Variants in DALRD3 observed in about 807,000 individuals in gnomAD.
DALRD3 encodes DALR anticodon binding domain containing 3.
DALRD3 carries 47 observed loss-of-function variants against 56.7 expected under a neutral mutation model. That is an observed-to-expected ratio of 0.83 (90% CI 0.66 to 1.06). The LOEUF (loss-of-function observed/expected upper bound fraction) is 1.06. Ranked by LOEUF, DALRD3 falls within the 50% of genes least tolerant of loss-of-function variation. The pLI, the probability that DALRD3 is intolerant of heterozygous loss-of-function variation, is 0.00. For synonymous variants in DALRD3, 347 were observed against 308.5 expected (o/e 1.12, Z -1.31); for missense variants, 787 against 724.0 (o/e 1.09, Z -1.00).
chr3:49,020,745 A>G (rs1371521777), upstream of DALRD3: 1 of 460,170 alleles, frequency 2.2e-6, no homozygotes, highest in South Asian at 1.6e-5. Context: ...CCCCCAGGTC[A>G]CTCGCCCTGG....
Position 49,018,506 on chromosome 3 carries a change from C to G in DALRD3, c.59G>C (p.Gly20Ala). ...ETLGALNAALGPGGPVWIKET... is the reference protein window; with the variant it reads ...ETLGALNAALAPGGPVWIKET... ...CTTGATCCACACCGGACCGCCTGGC[C>G]CCAGGGCCGCGTTGAGGGCCCCCAG... The change falls in exon 1 of 12, where the codon GGG becomes GCG. Residue 20 changes from glycine to alanine, a missense_variant. By Grantham distance (60) the Gly-to-Ala change is moderately conservative. Transcript: ENST00000341949. 6.3e-7 allele frequency: 1 copy of G among 1,585,076 alleles called. No homozygotes were observed. Among genetic ancestry groups the G allele is most frequent in the South Asian group, 1.1e-5 (1 of 87,490 alleles).
upstream of DALRD3, among the ~76,000 whole-genome samples, chr3:49,019,805 T>A (rs1361851949): frequency 6.6e-6 from 1 of 152,236 alleles, no homozygotes; most frequent in African/African-American, 2.4e-5. Context: ...GTGACTCCTT[T>A]AACCTGGTGT....
chr3:49,018,301 G>A lies in DALRD3; in HGVS notation c.183C>T (p.Leu61=), dbSNP rs2093115640. The A allele has an allele frequency of 1.4e-6, 2 of 1,467,992 alleles. No individual in the cohort carries two copies. Among genetic ancestry groups the A allele is most frequent in the Non-Finnish European group, 1.8e-6 (2 of 1,116,610 alleles). The allele number at this position is 1,467,992 out of a possible 1,614,324, so 90.9% of individuals were successfully genotyped here. A position where few individuals can be genotyped will look rare whatever the true frequency, so the allele number is the denominator to read the frequency against. Residue 61 remains leucine (L), a synonymous_variant, in exon 2 of 12, where the codon CTC becomes CTT. Coordinates refer to ENST00000341949, the MANE Select transcript of DALRD3 (RefSeq NM_001009996.3). ...FDDGQVPEHL[L]HALACLQGPG... Reference sequence around the variant, plus strand: ...GGCCCTGCAGGCAGGCGAGGGCATGGAGCAAATGCTCCGGAACCTGCGGGA... The same window carrying A: ...GGCCCTGCAGGCAGGCGAGGGCATGAAGCAAATGCTCCGGAACCTGCGGGA...
At chr3:49,020,773 C>T (rs1396269743), upstream of DALRD3, 4 of 422,276 alleles carry the variant, frequency 9.5e-6, no homozygotes, top group Non-Finnish European at 1.5e-5. Flanking sequence ...TCAGAACCCG[C>T]CCATCCCCAG....
Position 49,016,356 on chromosome 3 carries a change from A to G in DALRD3, c.1147-16T>C, listed in dbSNP as rs1264472691. On this transcript the variant is annotated splice_polypyrimidine_tract_variant and intron_variant, in intron 8 of 11. Transcript: ENST00000341949. ...CCAGGAAGAGCTGGGGAATAGAAGC[A>G]CAGCTGCAGAGAGAGAAGGCAGCCA... 1.9e-6 allele frequency: 3 copies of G among 1,605,152 alleles called. No homozygotes were observed. In the African/African-American group the frequency reaches 4.0e-5, roughly 21 times the overall value.
chr3:49,017,409 A>G (rs1270850866), intron 4 of DALRD3, 25 bp downstream of exon 4: 1 of 1,614,130 alleles, frequency 6.2e-7, no homozygotes, highest in Admixed American at 1.7e-5. Flanking sequence ...GTTTGGGAGA[A>G]CCTACAGGGC....
chr3:49,015,710 G>A lies in DALRD3; in HGVS notation c.1513-3C>T. 1 of 1,614,132 alleles carries A rather than the reference G, an allele frequency of 6.2e-7. No individual in the cohort carries two copies. The highest frequency in any genetic ancestry group is 1.1e-5 in the South Asian group (1 of 91,080). The stretch of plus-strand genomic sequence containing the variant: ...CCAAAGAGGTGTGGTCGAGGCTCCT[G>A]AAAGAGAAAGGGCCTGCTGGTCTCA... On this transcript the variant is annotated splice_polypyrimidine_tract_variant and splice_region_variant and intron_variant, in intron 11 of 11. Transcript: ENST00000341949.
In DALRD3 at chr3:49,015,936, A is replaced by C. The variant is rs772724633; in HGVS notation, c.1443+37T>G. ...TCTTGTGCCCCAGGCCAGAATAAAG[A>C]ATAGAGTGTAGAGTGTCCTGGTTGT... On this transcript the variant is annotated intron_variant, in intron 10 of 11. Transcript: ENST00000341949. 17 of 1,614,210 alleles carry C rather than the reference A, an allele frequency of 1.1e-5. No homozygotes were observed. The East Asian group carries it at 3.8e-4, about 36-fold the overall frequency.
rs1201305082 is a variant in DALRD3, at chr3:49,016,347, AATAGAAGC to A, written c.1147-15_1147-8del. 1.9e-6 allele frequency: 3 copies of A among 1,606,326 alleles called. No individual in the cohort carries two copies. The highest frequency in any genetic ancestry group is 2.6e-6 in the Non-Finnish European group (3 of 1,174,204). ...CAGCCAGAGCCAGGAAGAGCTGGGG[AATAGAAGC>A]ACAGCTGCAGAGAGAGAAGGCAGCC... On this transcript the variant is annotated splice_polypyrimidine_tract_variant and splice_region_variant and intron_variant, in intron 8 of 11. Coordinates refer to ENST00000341949, the MANE Select transcript of DALRD3 (RefSeq NM_001009996.3).
At chr3:49,018,803 T>G (rs1023408978), upstream of DALRD3, 1 of 985,328 alleles carries the variant, frequency 1.0e-6, no homozygotes, top group African/African-American at 1.7e-5. Context: ...TAGGGTTCTT[T>G]CGCTGTGACC....
At chr3:49,020,823 TCTAGAGGGAACAAGACGCTCAC>T, upstream of DALRD3, 1 of 366,462 alleles carries the variant, frequency 2.7e-6, no homozygotes, top group Admixed American at 3.4e-5. Context: ...TGAAACGGAG[TCTAGAGGGAACAAGACGCTCAC>T]CTGGGCCACA....
chr3:49,018,595 A>G (rs558972875), upstream of DALRD3: 72 of 1,519,888 alleles, frequency 4.7e-5, 1 homozygote, highest in South Asian at 5.9e-4. Context: ...GGAACCGGAA[A>G]AAAATTTAGG....
Position 49,016,603 on chromosome 3 carries a change from C to T in DALRD3, c.1063+9G>A, listed in dbSNP as rs1474599863. 6.3e-7 allele frequency: 1 copy of T among 1,584,196 alleles called. No homozygotes were observed. On this transcript the variant is annotated intron_variant, in intron 7 of 11. Transcript: ENST00000341949. The stretch of plus-strand genomic sequence containing the variant: ...AACCCAGAACATAGCCAGGGTTTCC[C>T]AGGCACACCTTGTGCCAGATCCCCA...
At chr3:49,017,403 G>T (rs1482105224) in intron 4 of DALRD3, 31 bp downstream of exon 4, 3 of 1,614,040 alleles carry the variant, frequency 1.9e-6, no homozygotes, top group Non-Finnish European at 2.5e-6. Context: ...TACTTGGTTT[G>T]GGAGAACCTA....
Position 49,017,820 on chromosome 3 carries a change from A to G in DALRD3, c.511T>C (p.Phe171Leu). The stretch of plus-strand genomic sequence containing the variant: ...CAGTCCACCCGCAGTTGCTGCAGGA[A>G]GGTCAGCATGTGCGGATCCCGCACA... ...PAVRDPHMLT[F>L]LQQLRVDWPA... The change falls in exon 3 of 12, where the codon TTC becomes CTC. Residue 171 changes from phenylalanine to leucine, a missense_variant. Transcript: ENST00000341949. The G allele has an allele frequency of 6.2e-7, 1 of 1,611,370 alleles. No individual in the cohort carries two copies. Among genetic ancestry groups the G allele is most frequent in the South Asian group, 1.1e-5 (1 of 91,068 alleles).
Position 49,017,533 on chromosome 3 carries a change from G to T in DALRD3, c.719-20C>A. On this transcript the variant is annotated intron_variant, in intron 3 of 11. Coordinates refer to ENST00000341949, the MANE Select transcript of DALRD3 (RefSeq NM_001009996.3). The stretch of plus-strand genomic sequence containing the variant: ...CAGTCACTGAAAAGAGAACAGACAG[G>T]TGCTGAGACTGACAAGAAGCAGAGA... The T allele has an allele frequency of 6.2e-7, 1 of 1,614,176 alleles. No homozygotes were observed. Among genetic ancestry groups the T allele is most frequent in the Non-Finnish European group, 8.5e-7 (1 of 1,180,034 alleles).
At chr3:49,020,919 G>C, upstream of DALRD3, 1 of 256,370 alleles carries the variant, frequency 3.9e-6, no homozygotes. Flanking sequence ...TTAGATCCGT[G>C]GGGCAGGATT....
At chr3:49,019,168 G>C, upstream of DALRD3, 1 of 309,622 alleles carries the variant, frequency 3.2e-6, no homozygotes, top group Non-Finnish European at 4.7e-6. Flanking sequence ...CCACCTCCCG[G>C]ATTCACAGGA....
chr3:49,018,655 G>A, upstream of DALRD3: 25 of 1,442,526 alleles, frequency 1.7e-5, no homozygotes, highest in Non-Finnish European at 2.3e-5. Flanking sequence ...GGATGCGGCG[G>A]TGGTCCCCGT....
Sources: allele counts gnomAD v4.1 joint callset (sites outside exome capture counted in the v4.1 genomes callset), GRCh38; gene constraint gnomAD v4.1.1; transcripts MANE v1.5; gene names NCBI Gene and HGNC (gene_info 2026-07-23, HGNC 2026-07-21).